The following BIRC6 variants were observed in gnomAD, a reference collection of about 807,000 sequenced individuals.
BIRC6 encodes baculoviral IAP repeat containing 6, also known as dual E2 ubiquitin-conjugating enzyme/E3 ubiquitin-protein ligase BIRC6.
In BIRC6, 98 loss-of-function variants were observed where a neutral mutation model predicts 503.3. That is an observed-to-expected ratio of 0.19 (90% CI 0.17 to 0.23). BIRC6 has a LOEUF of 0.23. Among genes scored for constraint, BIRC6 ranks in the 10% least tolerant of loss-of-function variants. BIRC6 has a pLI of 1.00. For synonymous variants in BIRC6, 2,240 were observed against 2,078.7 expected, an observed-to-expected ratio of 1.08 and a Z score of -2.11; for missense variants, 5,360 against 5,806.0, an observed-to-expected ratio of 0.92 and a Z score of 2.50.
intron 65 of BIRC6, among the ~76,000 whole-genome samples, chr2:32,559,665 G>T (rs1182287674): frequency 6.7e-6 from 1 of 150,214 alleles, no homozygotes; most frequent in Non-Finnish European, 1.5e-5. Flanking sequence ...GCATAAATCA[G>T]CTCTACATTA....
chr2:32,395,247 A>G (rs961989437), intron 5 of BIRC6, among the ~76,000 whole-genome samples: 1 of 151,996 alleles, frequency 6.6e-6, no homozygotes, highest in Non-Finnish European at 1.5e-5. Flanking sequence ...TAGTATAGCA[A>G]TGAGAAAAGT....
At chr2:32,514,663 C>T (rs1398097608) in intron 54 of BIRC6, among the ~76,000 whole-genome samples, 1 of 152,114 alleles carries the variant, frequency 6.6e-6, no homozygotes, top group Non-Finnish European at 1.5e-5. Flanking sequence ...ATTTGTTTGG[C>T]ATGATTTTTT....
intron 3 of BIRC6, among the ~76,000 whole-genome samples, chr2:32,383,669 C>G (rs934178869): frequency 1.3e-5 from 2 of 151,882 alleles, no homozygotes; most frequent in Admixed American, 6.6e-5. Flanking sequence ...GTAGCTGGGA[C>G]TATAGGCACG....
chr2:32,511,201 C>CTTTTTTTTTTTTTTTTTTTTTTTTT, intron 53 of BIRC6, among the ~76,000 whole-genome samples: 2 of 48,582 alleles, frequency 4.1e-5, no homozygotes, highest in African/African-American at 8.9e-5. Flanking sequence ...CTTTTCTTTT[C>CTTTTTTTTTTTTTTTTTTTTTTTTT]TTTTTTTTTT....
chr2:32,406,673 G>A (rs1018349834), intron 9 of BIRC6, 116 bp downstream of exon 9: 5 of 660,326 alleles, frequency 7.6e-6, no homozygotes, highest in Non-Finnish European at 1.3e-5. Context: ...ATTTTTGCTA[G>A]TATACACAGA....
chr2:32,433,574 T>C, intron 12 of BIRC6, 70 bp from the exon 13 acceptor site: 1 of 1,335,564 alleles, frequency 7.5e-7, no homozygotes, highest in Non-Finnish European at 1.0e-6. Context: ...AAAGGTGACC[T>C]TAATGATAAT....
chr2:32,408,611 G>A (rs1004887932), intron 9 of BIRC6, among the ~76,000 whole-genome samples: 4 of 152,028 alleles, frequency 2.6e-5, no homozygotes, highest in Non-Finnish European at 5.9e-5. Context: ...TACAATACTC[G>A]TATTTGGCCA....
intron 45 of BIRC6, 37 bp downstream of exon 45, chr2:32,493,704 A>C (rs1321089639): frequency 1.4e-6 from 2 of 1,472,780 alleles, no homozygotes; most frequent in Non-Finnish European, 1.9e-6. Flanking sequence ...CTGATATAGA[A>C]GTAACATGTA....
At chr2:32,589,203 C>G (rs1173678101) in intron 66 of BIRC6, among the ~76,000 whole-genome samples, 1 of 152,180 alleles carries the variant, frequency 6.6e-6, no homozygotes, top group African/African-American at 2.4e-5. Context: ...ACAAATGACT[C>G]TATGTTCAGT....
chr2:32,546,538 C>T (rs1393290403), intron 63 of BIRC6, among the ~76,000 whole-genome samples: 2 of 151,818 alleles, frequency 1.3e-5, no homozygotes, highest in South Asian at 2.1e-4. Context: ...CAAGATTGTG[C>T]CATTGCACTC....
Position 32,416,013 on chromosome 2 carries a change from C to G in BIRC6, c.2722C>G (p.Gln908Glu), listed in dbSNP as rs907369598. ...STLGHLVITT[Q>E]GGYVKILDLS... is the part of the protein sequence containing the mutation. ...TCTTGGACACCTGGTAATAACCACT[C>G]AGGGAGGATATGTAAAAATACTAGA... The change falls in exon 10 of 74, where the codon CAG becomes GAG. Residue 908 changes from glutamine to glutamate, a missense_variant. Coordinates refer to ENST00000421745, the MANE Select transcript of BIRC6 (RefSeq NM_016252.4). 45 of 1,613,780 alleles carry G rather than the reference C, an allele frequency of 2.8e-5. No individual in the cohort carries two copies. The highest frequency in any genetic ancestry group is 3.8e-5 in the Non-Finnish European group (45 of 1,179,888).
intron 65 of BIRC6, among the ~76,000 whole-genome samples, chr2:32,552,810 G>T (rs2058513254): frequency 6.6e-6 from 1 of 150,666 alleles, no homozygotes; most frequent in African/African-American, 2.5e-5. Context: ...TAAATAAATA[G>T]TAGCCACTTA....
intron 53 of BIRC6, among the ~76,000 whole-genome samples, chr2:32,511,095 C>G (rs2054344097): frequency 1.3e-5 from 2 of 151,364 alleles, no homozygotes; most frequent in East Asian, 1.9e-4. Context: ...CTTTTCATGA[C>G]TTTCTGCACC....
rs568492314 is a variant in BIRC6 at position 32,524,482 on chromosome 2, TCTAAGG to T, written c.11624-403_11624-398del. Among the ~76,000 whole-genome samples, 290 of 152,332 alleles carry T rather than the reference TCTAAGG, an allele frequency of 1.9e-3. 1 individual carries two copies. The highest frequency in any genetic ancestry group is 6.4e-3 in the African/African-American group (267 of 41,582). ...ATATACAGATTATATCAGTAGCCTT[TCTAAGG>T]CTGTTTCTTCATTTTGAAAATAACA... On this transcript the variant is annotated intron_variant, in intron 57 of 73. Transcript: ENST00000421745.
chr2:32,436,279 C>G (rs2044688481), intron 15 of BIRC6, 95 bp downstream of exon 15: 1 of 1,132,510 alleles, frequency 8.8e-7, no homozygotes, highest in Non-Finnish European at 1.1e-6. Flanking sequence ...AGATTGTTTT[C>G]TTTGGGACTT....
At chr2:32,418,629 G>A (rs542333950) in intron 10 of BIRC6, among the ~76,000 whole-genome samples, 2 of 152,270 alleles carry the variant, frequency 1.3e-5, no homozygotes, top group South Asian at 4.1e-4. Context: ...AGGTGACATG[G>A]CACCCCGGTG....
rs190384051 is a variant in BIRC6, at chr2:32,463,327, A to G, written c.4887A>G (p.Gln1629=). Residue 1629 remains glutamine (Q), a synonymous_variant, in exon 24 of 74, where the codon CAA becomes CAG. Transcript: ENST00000421745. ...SLSHAMASAE[Q]QLQVLQEKQQ... is the part of the protein sequence containing the mutation. The stretch of plus-strand genomic sequence containing the variant: ...CTCATGCAATGGCTTCAGCCGAGCA[A>G]CAGCTACAGGTGCTGCAAGAGAAAC... 1.2e-6 allele frequency: 2 copies of G among 1,613,846 alleles called. No individual in the cohort carries two copies. Among genetic ancestry groups the G allele is most frequent in the Admixed American group, 1.7e-5 (1 of 60,006 alleles).
In BIRC6 at chr2:32,416,033, A is replaced by G; in HGVS notation, c.2742A>G (p.Ile914Met). 1 of 1,613,964 alleles carries G rather than the reference A, an allele frequency of 6.2e-7. No individual in the cohort carries two copies. The highest frequency in any genetic ancestry group is 8.5e-7 in the Non-Finnish European group (1 of 1,179,876). ...CCACTCAGGGAGGATATGTAAAAAT[A>G]CTAGATCTTTCAAACTTTGAAATTT... Reference protein sequence around the residue: ...VITTQGGYVKILDLSNFEILA... With the variant: ...VITTQGGYVKMLDLSNFEILA... Residue 914 changes from isoleucine (I) to methionine (M), a missense_variant, in exon 10 of 74, where the codon ATA (isoleucine) becomes ATG (methionine). Around this residue, in one of 16 missense-constraint regions of BIRC6, gnomAD observed 700 missense variants for 739.3 expected, o/e 0.95. Transcript: ENST00000421745.
At chr2:32,460,969 A>G (rs1416065161) in intron 23 of BIRC6, among the ~76,000 whole-genome samples, 1 of 150,538 alleles carries the variant, frequency 6.6e-6, no homozygotes, top group Non-Finnish European at 1.5e-5. Flanking sequence ...CGCATGTTTT[A>G]TGAGATGCAA....
Sources: gnomAD v4.1 joint callset for allele counts (sites outside exome capture counted in the v4.1 genomes callset) on GRCh38, gnomAD v4.1.1 for gene constraint, gnomAD v4.1.1 regional missense constraint, MANE v1.5 for transcripts, NCBI Gene and HGNC (gene_info 2026-07-23, HGNC 2026-07-21) for gene names.